TANGO6: variants seen among roughly 807,000 people sequenced by gnomAD.
TANGO6 encodes the protein transport and Golgi organization protein 6 homolog.
A neutral mutation model predicts 114.2 loss-of-function variants in TANGO6; 90 were observed. The observed-to-expected ratio is 0.79, with a 90% CI of 0.66 to 0.94. The LOEUF is 0.94. TANGO6 is among the 40% of genes least tolerant of loss of function. The pLI, the probability that TANGO6 is intolerant of heterozygous loss-of-function variation, is 0.00. For missense variants in TANGO6, 1,274 were observed against 1,315.3 expected, an observed-to-expected ratio of 0.97 and a Z score of 0.49; for synonymous variants, 477 against 509.8, an observed-to-expected ratio of 0.94 and a Z score of 0.87.
intron 16 of TANGO6, among the ~76,000 whole-genome samples, chr16:69,028,243 G>A (rs1415995154): frequency 6.6e-6 from 1 of 152,106 alleles, no homozygotes; most frequent in Non-Finnish European, 1.5e-5. Flanking sequence ...TTATAGGCGT[G>A]AGCCACCGCT....
intron 15 of TANGO6, among the ~76,000 whole-genome samples, chr16:69,018,446 C>T (rs949711325): frequency 6.6e-6 from 1 of 150,864 alleles, no homozygotes; most frequent in Non-Finnish European, 1.5e-5. Flanking sequence ...CCGCGCCCGG[C>T]CGGAAATCTC....
In TANGO6 at chr16:68,884,715, A is replaced by G. The variant is rs946780802; in HGVS notation, c.1377+4085A>G. On this transcript the variant is annotated intron_variant, in intron 7 of 17. Transcript: ENST00000261778. ...GTCAGTAAACTTAGAGGGAGAAAAA[A>G]AAAAGCAAACAGATAATTTCTTTCT... 3.9e-5 allele frequency among the ~76,000 whole-genome samples: 6 copies of G among 152,304 alleles called. No homozygotes were observed. The East Asian group carries it at 5.8e-4, about 15-fold the overall frequency.
intron 14 of TANGO6, among the ~76,000 whole-genome samples, chr16:68,951,828 G>A (rs1963474415): frequency 6.6e-6 from 1 of 152,038 alleles, no homozygotes; most frequent in African/African-American, 2.4e-5. Flanking sequence ...TAGCTAGGAT[G>A]GTCTCGATCT....
chr16:68,875,242 C>G lies in TANGO6; in HGVS notation c.1083C>G (p.Pro361=), dbSNP rs1962336126. Residue 361 remains proline (P), a synonymous_variant, in exon 5 of 18, where the codon CCC becomes CCG. Coordinates refer to ENST00000261778, the MANE Select transcript of TANGO6 (RefSeq NM_024562.2). ...DLIAKILASC[P]QQSLSPENYY... is the part of the protein sequence containing the mutation. ...TCGCAAAGATTTTGGCCTCTTGTCC[C>G]CAGCAGTCTCTTTCACCAGAGAATT... 1 of 1,613,712 alleles carries G rather than the reference C, an allele frequency of 6.2e-7. No individual in the cohort carries two copies. The highest frequency in any genetic ancestry group is 2.2e-5 in the East Asian group (1 of 44,868).
intron 15 of TANGO6, among the ~76,000 whole-genome samples, chr16:68,977,712 A>G (rs1347983898): frequency 6.6e-6 from 1 of 151,174 alleles, no homozygotes; most frequent in African/African-American, 2.4e-5. Context: ...CAAAAAAAAA[A>G]AGAGATGGAG....
At chr16:68,880,732 C>G in intron 7 of TANGO6, 102 bp downstream of exon 7, 1 of 717,666 alleles carries the variant, frequency 1.4e-6, no homozygotes, top group Non-Finnish European at 2.1e-6. Context: ...ACCACGTTGC[C>G]CAGTCTGGTC....
intron 15 of TANGO6, chr16:69,006,957 C>T (rs1323630102): frequency 6.6e-6 from 1 of 152,172 alleles, no homozygotes; most frequent in African/African-American, 2.4e-5. Flanking sequence ...GTACTTGCTG[C>T]TGTAAGGGTT....
At chr16:68,986,419 G>T (rs1963890804) in intron 15 of TANGO6, among the ~76,000 whole-genome samples, 1 of 151,988 alleles carries the variant, frequency 6.6e-6, no homozygotes, top group Non-Finnish European at 1.5e-5. Context: ...GCTTTACGGG[G>T]TGTTTCCGGC....
intron 10 of TANGO6, among the ~76,000 whole-genome samples, chr16:68,908,257 G>C (rs1302882881): frequency 1.3e-5 from 2 of 152,120 alleles, no homozygotes; most frequent in Non-Finnish European, 2.9e-5. Flanking sequence ...AGGGAATCAG[G>C]GCTAACATTT....
At position 68,852,654 on chromosome 16, in the gene TANGO6, A is replaced by G. The variant is rs546887467; in HGVS notation, c.95-7230A>G. Among the ~76,000 whole-genome samples the G allele has an allele frequency of 1.3e-3, 196 of 151,890 alleles. 1 individual carries two copies. Among genetic ancestry groups the G allele is most frequent in the Non-Finnish European group, 2.6e-3 (175 of 67,976 alleles). On this transcript the variant is annotated intron_variant, in intron 1 of 17. Transcript: ENST00000261778. The stretch of plus-strand genomic sequence containing the variant: ...AGACCAGCCTGGGCAACATAGTGAG[A>G]CCCCCACATCTCTACAAAAGATGAA...
intron 14 of TANGO6, 152 bp from the exon 15 acceptor site, chr16:68,973,876 T>C (rs1963734689): frequency 1.2e-6 from 1 of 832,346 alleles, no homozygotes; most frequent in Non-Finnish European, 1.9e-6. Context: ...CCACTCACTA[T>C]GCTGACTCTC....
At chr16:69,063,641 TC>T (rs1960162786) in intron 17 of TANGO6, among the ~76,000 whole-genome samples, 4 of 34,290 alleles carry the variant, frequency 1.2e-4, no homozygotes, top group African/African-American at 2.9e-4. Context: ...AGACTCCATC[TC>T]CAAAAAAAAA....
intron 14 of TANGO6, among the ~76,000 whole-genome samples, chr16:68,941,684 G>A (rs1035769066): frequency 3.3e-5 from 5 of 151,800 alleles, no homozygotes; most frequent in Admixed American, 2.0e-4. Flanking sequence ...AGGTGGAAGC[G>A]TCAGTGAGCC....
chr16:68,844,480 G>A (rs1038711351), intron 1 of TANGO6, among the ~76,000 whole-genome samples: 1 of 152,130 alleles, frequency 6.6e-6, no homozygotes, highest in African/African-American at 2.4e-5. Context: ...GTGGAAGATA[G>A]AGCTCTGCTT....
chr16:69,014,415 A>C (rs946764792), intron 15 of TANGO6, among the ~76,000 whole-genome samples: 14 of 152,160 alleles, frequency 9.2e-5, no homozygotes, highest in Non-Finnish European at 4.4e-5. Context: ...GCCTAAACCA[A>C]TTAAAGCAAA....
rs529362455 is a variant in TANGO6, at chr16:68,984,034, A to C, written c.2842+9866A>C. Among the ~76,000 whole-genome samples, 183 of 151,244 alleles carry C rather than the reference A, an allele frequency of 1.2e-3. 1 individual carries two copies. In the Middle Eastern group the frequency reaches 0.014, roughly 11 times the overall value. On this transcript the variant is annotated intron_variant, in intron 15 of 17. Coordinates refer to ENST00000261778, the MANE Select transcript of TANGO6 (RefSeq NM_024562.2). ...GGCGACAGAGCAAGACTCCGTCTCAAAAAGAAAAAAAAAAAAAAAAGAAAA... is the reference window on the plus strand; with the variant it reads ...GGCGACAGAGCAAGACTCCGTCTCACAAAGAAAAAAAAAAAAAAAAGAAAA...
rs376996495 is a variant in TANGO6, at chr16:68,882,424, A to G, written c.1377+1794A>G. On this transcript the variant is annotated intron_variant, in intron 7 of 17. Transcript: ENST00000261778. ...AAACAGGAGAATGGCGTGAACCTGG[A>G]AGGCAGAGCTTGCAGTGAGCCGAGA... 5.1e-4 allele frequency among the ~76,000 whole-genome samples: 78 copies of G among 152,058 alleles called. 1 individual carries two copies. Among genetic ancestry groups the G allele is most frequent in the African/African-American group, 1.4e-3 (59 of 41,492 alleles).
chr16:69,055,272 A>G (rs903656436), intron 17 of TANGO6, among the ~76,000 whole-genome samples: 8 of 152,224 alleles, frequency 5.3e-5, no homozygotes, highest in Non-Finnish European at 8.8e-5. Context: ...GGGCTGAACA[A>G]CCACGTTGTG....
chr16:68,980,439 T>TA (rs1487195507), intron 15 of TANGO6, among the ~76,000 whole-genome samples: 1 of 84,930 alleles, frequency 1.2e-5, no homozygotes, highest in Admixed American at 1.3e-4. Flanking sequence ...ATATATATTT[T>TA]TTTTTTTTTT....
Sources: allele counts gnomAD v4.1 joint callset (sites outside exome capture counted in the v4.1 genomes callset), GRCh38; gene constraint gnomAD v4.1.1; transcripts MANE v1.5; gene names NCBI Gene and HGNC (gene_info 2026-07-23, HGNC 2026-07-21).